CSMD3: variants seen among roughly 807,000 people sequenced by gnomAD.
The protein encoded by CSMD3 is CUB and Sushi multiple domains 3.
In CSMD3, 177 loss-of-function variants were observed where a neutral mutation model predicts 435.2. The observed-to-expected ratio is 0.41, with a 90% CI of 0.36 to 0.46. The LOEUF is 0.46. Ranked by LOEUF, CSMD3 falls within the 20% of genes least tolerant of loss-of-function variation. The pLI, the probability that CSMD3 is intolerant of heterozygous loss-of-function variation, is 0.34. For synonymous variants in CSMD3, 1,656 were observed against 1,520.5 expected (o/e 1.09, Z -2.07); for missense variants, 4,265 against 4,504.6 (o/e 0.95, Z 1.52).
intron 13 of CSMD3, among the ~76,000 whole-genome samples, chr8:112,787,535 C>G (rs2132274100): frequency 6.6e-6 from 1 of 152,180 alleles, no homozygotes; most frequent in East Asian, 1.9e-4. Flanking sequence ...TGGAATCAAC[C>G]TAAGTGTTCA....
intron 5 of CSMD3, among the ~76,000 whole-genome samples, chr8:113,097,051 T>C (rs1016770660): frequency 2.0e-5 from 3 of 152,100 alleles, no homozygotes; most frequent in Non-Finnish European, 4.4e-5. Context: ...GGGTAAGTCA[T>C]GTCACCTCCC....
At chr8:112,981,732 T>C (rs1013918411) in intron 6 of CSMD3, among the ~76,000 whole-genome samples, 1 of 151,712 alleles carries the variant, frequency 6.6e-6, no homozygotes, top group Non-Finnish European at 1.5e-5. Flanking sequence ...AATGTTTATA[T>C]GCAAGATAAG....
intron 13 of CSMD3, among the ~76,000 whole-genome samples, chr8:112,722,602 G>C (rs1386110400): frequency 1.3e-5 from 2 of 152,074 alleles, no homozygotes; most frequent in Non-Finnish European, 2.9e-5. Context: ...TAGTGTAGGA[G>C]GGAGAAAGAG....
At chr8:112,437,672 T>C (rs997808683) in intron 32 of CSMD3, among the ~76,000 whole-genome samples, 1 of 152,090 alleles carries the variant, frequency 6.6e-6, no homozygotes, top group Non-Finnish European at 1.5e-5. Flanking sequence ...ATATACTCTT[T>C]TTTTCTTTTG....
At position 112,562,869 on chromosome 8, in the gene CSMD3, C is replaced by T. The variant is rs116409143; in HGVS notation, c.4043-5915G>A. 4.3e-3 allele frequency among the ~76,000 whole-genome samples: 651 copies of T among 151,706 alleles called. 3 individuals are homozygous for T. The highest frequency in any genetic ancestry group is 0.015 in the African/African-American group (610 of 41,470). ...AACTTTTATTAACATATATGGCAAG[C>T]ATATTTCTCTAACGTATTTAGCTAA... On this transcript the variant is annotated intron_variant, in intron 24 of 70. Coordinates refer to ENST00000297405, the MANE Select transcript of CSMD3 (RefSeq NM_198123.2).
At chr8:112,661,061 A>G (rs1665350403) in intron 17 of CSMD3, among the ~76,000 whole-genome samples, 1 of 152,178 alleles carries the variant, frequency 6.6e-6, no homozygotes, top group Admixed American at 6.6e-5. Flanking sequence ...GTTCCTGTGC[A>G]TAAATCCTAC....
chr8:112,869,420 T>G (rs1257222748), intron 10 of CSMD3, among the ~76,000 whole-genome samples: 1 of 152,194 alleles, frequency 6.6e-6, no homozygotes, highest in Admixed American at 6.5e-5. Flanking sequence ...TCAAATATTA[T>G]TTCTGGGTAT....
At chr8:112,481,524 T>TA (rs1487524427) in intron 31 of CSMD3, among the ~76,000 whole-genome samples, 26 of 152,274 alleles carry the variant, frequency 1.7e-4, no homozygotes, top group Admixed American at 1.4e-3. Flanking sequence ...AGCAATGTGA[T>TA]ATATTAAATC....
intron 13 of CSMD3, among the ~76,000 whole-genome samples, chr8:112,739,639 T>C (rs978014445): frequency 4.0e-5 from 6 of 151,780 alleles, no homozygotes; most frequent in African/African-American, 7.2e-5. Flanking sequence ...GGATGAATTA[T>C]TGTGTTCTAG....
At chr8:112,645,653 G>A (rs2074959996) in intron 19 of CSMD3, among the ~76,000 whole-genome samples, 1 of 152,126 alleles carries the variant, frequency 6.6e-6, no homozygotes, top group African/African-American at 2.4e-5. Context: ...TATGAAGTGA[G>A]TTGTAAAAGT....
intron 4 of CSMD3, among the ~76,000 whole-genome samples, chr8:113,132,425 T>C (rs910424481): frequency 6.6e-6 from 1 of 152,068 alleles, no homozygotes; most frequent in Non-Finnish European, 1.5e-5. Flanking sequence ...GTTTCCCCCT[T>C]GCTGTTGTCA....
chr8:113,337,983 GGAAA>G (rs929423874), intron 1 of CSMD3, among the ~76,000 whole-genome samples: 5 of 151,754 alleles, frequency 3.3e-5, no homozygotes. Context: ...AATAACAAAA[GGAAA>G]GTGAAAGAAA....
chr8:112,387,040 A>C lies in CSMD3; in HGVS notation c.5935-3377T>G, dbSNP rs1407278527. Among the ~76,000 whole-genome samples the C allele has an allele frequency of 2.4e-3, 364 of 152,330 alleles. 1 individual carries two copies. Among genetic ancestry groups the C allele is most frequent in the Non-Finnish European group, 4.0e-3 (274 of 68,022 alleles). On this transcript the variant is annotated intron_variant, in intron 36 of 70. Coordinates refer to ENST00000297405, the MANE Select transcript of CSMD3 (RefSeq NM_198123.2). Reference sequence around the variant, plus strand: ...AACATATTTTCCCCCATGGCTTATTACATAAATATTTCCCTTTTCTTGATG... The same window carrying C: ...AACATATTTTCCCCCATGGCTTATTCCATAAATATTTCCCTTTTCTTGATG...
intron 13 of CSMD3, among the ~76,000 whole-genome samples, chr8:112,771,645 G>A (rs1037941321): frequency 1.3e-5 from 2 of 151,932 alleles, no homozygotes; most frequent in Non-Finnish European, 2.9e-5. Flanking sequence ...TTCTCTATAC[G>A]TATGTATCTC....
At chr8:112,696,134 A>G (rs1180758872) in intron 13 of CSMD3, among the ~76,000 whole-genome samples, 1 of 152,242 alleles carries the variant, frequency 6.6e-6, no homozygotes, top group Non-Finnish European at 1.5e-5. Context: ...AGTATCGTGA[A>G]AATGGCTATA....
intron 22 of CSMD3, among the ~76,000 whole-genome samples, chr8:112,609,781 G>T (rs1833110493): frequency 6.6e-6 from 1 of 151,854 alleles, no homozygotes; most frequent in Non-Finnish European, 1.5e-5. Flanking sequence ...TGGATGAATG[G>T]GAAAGAAAAT....
intron 2 of CSMD3, chr8:113,313,404 C>T (rs1335339851): frequency 2.6e-5 from 4 of 152,024 alleles, no homozygotes; most frequent in African/African-American, 9.7e-5. Flanking sequence ...TCGCTGCAAG[C>T]TCCGCCTCCC....
intron 3 of CSMD3, among the ~76,000 whole-genome samples, chr8:113,219,252 C>A (rs1363770603): frequency 6.6e-6 from 1 of 151,158 alleles, no homozygotes; most frequent in African/African-American, 2.4e-5. Context: ...GAAAAGGAAA[C>A]TGAAGAAATA....
chr8:113,131,074 A>G (rs1011908080), intron 4 of CSMD3, among the ~76,000 whole-genome samples: 1 of 152,188 alleles, frequency 6.6e-6, no homozygotes, highest in Non-Finnish European at 1.5e-5. Context: ...ACATGATGAA[A>G]GAGATGGTCT....
Sources: allele counts gnomAD v4.1 joint callset (sites outside exome capture counted in the v4.1 genomes callset), GRCh38; gene constraint gnomAD v4.1.1; transcripts MANE v1.5; gene names NCBI Gene and HGNC (gene_info 2026-07-23, HGNC 2026-07-21).